ZNF507: variants seen among roughly 807,000 people sequenced by gnomAD.
The protein encoded by ZNF507 is zinc finger protein 507.
ZNF507 carries 29 observed loss-of-function variants against 80.0 expected under a neutral mutation model. The ratio of observed to expected loss-of-function variants is 0.36; its 90% CI spans 0.27 to 0.49. ZNF507 has a LOEUF of 0.49. Among genes scored for constraint, ZNF507 ranks in the 20% least tolerant of loss-of-function variants. The probability of loss-of-function intolerance (pLI) is 0.98; values close to 1 mark genes in which losing one functional copy is unlikely to be tolerated. For synonymous variants in ZNF507, 462 were observed against 422.5 expected (o/e 1.09, Z -1.15); for missense variants, 1,081 against 1,152.2 (o/e 0.94, Z 0.90).
At chr19:32,361,374 A>T (rs1305827286) in intron 5 of ZNF507, among the ~76,000 whole-genome samples, 1 of 152,164 alleles carries the variant, frequency 6.6e-6, no homozygotes, top group Non-Finnish European at 1.5e-5. Context: ...CTCTCCCCAG[A>T]TTCTGTAGAT....
intron 3 of ZNF507, among the ~76,000 whole-genome samples, chr19:32,355,210 A>G (rs1967236072): frequency 6.6e-6 from 1 of 152,194 alleles, no homozygotes; most frequent in Non-Finnish European, 1.5e-5. Context: ...TATAGTTTAA[A>G]GTGTTGATTT....
intron 3 of ZNF507, among the ~76,000 whole-genome samples, chr19:32,355,246 T>C (rs1327571845): frequency 6.6e-6 from 1 of 152,172 alleles, no homozygotes; most frequent in Non-Finnish European, 1.5e-5. Flanking sequence ...TTGTAGGGAG[T>C]GTATAGTGGA....
At chr19:32,350,127 G>T (rs1967142979) in intron 2 of ZNF507, among the ~76,000 whole-genome samples, 1 of 150,356 alleles carries the variant, frequency 6.7e-6, no homozygotes, top group African/African-American at 2.4e-5. Flanking sequence ...TAACATTTTT[G>T]TGAAAATTGA....
chr19:32,362,114 C>A (rs1967337312), intron 5 of ZNF507, among the ~76,000 whole-genome samples: 1 of 152,164 alleles, frequency 6.6e-6, no homozygotes, highest in African/African-American at 2.4e-5. Context: ...GTCTTGAACT[C>A]CTGGCCTCAA....
chr19:32,350,097 T>G (rs1424238600), intron 2 of ZNF507, among the ~76,000 whole-genome samples: 1 of 152,156 alleles, frequency 6.6e-6, no homozygotes, highest in Non-Finnish European at 1.5e-5. Context: ...ATATATGTAT[T>G]TCTGCATTAG....
chr19:32,355,085 G>A, intron 3 of ZNF507, 128 bp downstream of exon 3: 1 of 927,880 alleles, frequency 1.1e-6, no homozygotes, highest in Non-Finnish European at 1.6e-6. Context: ...AGTTTGATAA[G>A]TTGCCCAAGG....
chr19:32,372,326 A>G (rs1038469483), intron 5 of ZNF507, among the ~76,000 whole-genome samples: 1 of 152,182 alleles, frequency 6.6e-6, no homozygotes, highest in Middle Eastern at 3.2e-3. Context: ...CAAGGAATAT[A>G]GATTATATAA....
At position 32,354,393 on chromosome 19, in the gene ZNF507, A is replaced by T. The variant is rs1288602628; in HGVS notation, c.1563A>T (p.Ile521=). 2.5e-6 allele frequency: 4 copies of T among 1,614,038 alleles called. No homozygotes were observed. The highest frequency in any genetic ancestry group is 3.4e-6 in the Non-Finnish European group (4 of 1,180,028). ...CCAACCTGGGGCACTATGGAGATAT[A>T]AACCTTTTAGATCCAGATACTAGTC... The part of the protein sequence containing the change: ...TRANLGHYGD[I]NLLDPDTSQR... Residue 521 remains isoleucine, a synonymous_variant, in exon 3 of 7, where the codon ATA becomes ATT. Coordinates refer to ENST00000355898, the MANE Select transcript of ZNF507 (RefSeq NM_001136156.2).
At chr19:32,348,933 G>C (rs903999064) in intron 2 of ZNF507, among the ~76,000 whole-genome samples, 2 of 152,114 alleles carry the variant, frequency 1.3e-5, no homozygotes, top group African/African-American at 4.8e-5. Context: ...AGTATTCCAA[G>C]GAAGCAAATG....
intron 5 of ZNF507, among the ~76,000 whole-genome samples, chr19:32,373,195 A>C (rs1967497412): frequency 6.6e-6 from 1 of 151,834 alleles, no homozygotes; most frequent in African/African-American, 2.4e-5. Flanking sequence ...TTTGGGGATT[A>C]AGTTTCCACA....
chr19:32,383,094 G>A lies in ZNF507; in HGVS notation c.*11G>A. 2 of 1,605,170 alleles carry A rather than the reference G, an allele frequency of 1.2e-6. No homozygotes were observed. The highest frequency in any genetic ancestry group is 1.7e-6 in the Non-Finnish European group (2 of 1,173,552). On this transcript the variant is annotated 3_prime_UTR_variant, in exon 7 of 7. Transcript: ENST00000355898. ...CTAAACACAAATTAGGTGGAATAAT[G>A]ACTCGAGCAGGAAAGCAGTAGAAGA...
At chr19:32,380,740 T>C (rs770892540) in intron 5 of ZNF507, 23 of 938,440 alleles carry the variant, frequency 2.5e-5, no homozygotes, top group Admixed American at 4.2e-5. Context: ...CCAGCAATTA[T>C]GCTCCTGAGT....
chr19:32,381,692 T>C (rs901696702), intron 5 of ZNF507, among the ~76,000 whole-genome samples: 2 of 152,160 alleles, frequency 1.3e-5, no homozygotes, highest in African/African-American at 4.8e-5. Context: ...CTATGGACTT[T>C]TGTTAATAAA....
At position 32,353,768 on chromosome 19, in the gene ZNF507, A is replaced by G; in HGVS notation, c.938A>G (p.Glu313Gly). The G allele has an allele frequency of 1.9e-6, 3 of 1,614,212 alleles. No individual in the cohort carries two copies. Among genetic ancestry groups the G allele is most frequent in the Non-Finnish European group, 2.5e-6 (3 of 1,180,042 alleles). Residue 313 changes from glutamate (E) to glycine (G), a missense_variant, in exon 3 of 7, where the codon GAA becomes GGA. Physicochemically the swap from Glu to Gly is moderately conservative, Grantham distance 98. Around this residue, in one of 6 missense-constraint regions of ZNF507, gnomAD observed 614 missense variants for 583.9 expected, o/e 1.05. Transcript: ENST00000355898. Reference protein sequence around the residue: ...DAVVIAIGESELSIHNGPSVQ... With the variant: ...DAVVIAIGESGLSIHNGPSVQ... ...GTCGTCATTGCTATTGGAGAGAGTG[A>G]ACTGAGTATCCACAATGGGCCATCA...
chr19:32,382,765 G>A lies in ZNF507; in HGVS notation c.2544G>A (p.Glu848=), dbSNP rs576755442. The change falls in exon 7 of 7, where the codon GAG becomes GAA. Residue 848 remains glutamate, a synonymous_variant. Coordinates refer to ENST00000355898, the MANE Select transcript of ZNF507 (RefSeq NM_001136156.2). ...PGKTQLKSSE[E]SADPVTGSSE... The stretch of plus-strand genomic sequence containing the variant: ...AGACTCAATTAAAGAGCAGTGAAGA[G>A]AGTGCAGATCCCGTCACTGGAAGTT... 6.2e-7 allele frequency: 1 copy of A among 1,614,078 alleles called. No individual in the cohort carries two copies. The highest frequency in any genetic ancestry group is 1.7e-5 in the Admixed American group (1 of 60,008).
At chr19:32,380,263 G>A (rs150331597) in intron 5 of ZNF507, among the ~76,000 whole-genome samples, 5 of 152,218 alleles carry the variant, frequency 3.3e-5, no homozygotes, top group Admixed American at 3.3e-4. Context: ...GTATGAGGTA[G>A]GAGGATCACT....
At position 32,386,706 on chromosome 19, in the gene ZNF507, A is replaced by G. The variant is rs1967694839; in HGVS notation, c.*3623A>G. The G allele has an allele frequency of 1.3e-5, 2 of 152,670 alleles. No homozygotes were observed. Among genetic ancestry groups the G allele is most frequent in the South Asian group, 4.1e-4 (2 of 4,836 alleles). The allele number at this position is 152,670 out of a possible 1,614,324, so 9.5% of individuals were successfully genotyped here. On this transcript the variant is annotated 3_prime_UTR_variant, in exon 7 of 7. Transcript: ENST00000355898. ...TCATGGGAGAGCAGTTCATCTGTTCAGAACAGTGAGGCAAGGTCTGTAGTG... is the reference window on the plus strand; with the variant it reads ...TCATGGGAGAGCAGTTCATCTGTTCGGAACAGTGAGGCAAGGTCTGTAGTG...
intron 4 of ZNF507, chr19:32,359,227 G>A (rs909070308): frequency 2.0e-5 from 3 of 152,082 alleles, no homozygotes; most frequent in African/African-American, 4.8e-5. Flanking sequence ...GTATATTAAC[G>A]TTATAGATTT....
chr19:32,368,703 A>G (rs1477080771), intron 5 of ZNF507, among the ~76,000 whole-genome samples: 6 of 152,224 alleles, frequency 3.9e-5, no homozygotes, highest in Non-Finnish European at 1.5e-5. Flanking sequence ...GATGAACTGA[A>G]AGAGTTTGTT....
Sources: allele counts gnomAD v4.1 joint callset (sites outside exome capture counted in the v4.1 genomes callset), GRCh38; gene constraint gnomAD v4.1.1; regional missense constraint gnomAD v4.1.1; transcripts MANE v1.5; gene names NCBI Gene and HGNC (gene_info 2026-07-23, HGNC 2026-07-21).